Variants in ATP9B observed in about 807,000 individuals in gnomAD.
ATP9B encodes the protein ATPase phospholipid transporting 9B.
Under a neutral mutation model 146.1 loss-of-function variants are expected in ATP9B, and 110 were observed. That is an observed-to-expected ratio of 0.75 (90% CI 0.65 to 0.88). The LOEUF is 0.88. Ranked by LOEUF, ATP9B falls within the 40% of genes least tolerant of loss-of-function variation. The probability of loss-of-function intolerance (pLI) is 0.00; values close to 1 mark genes in which losing one functional copy is unlikely to be tolerated. For synonymous variants in ATP9B, 604 were observed against 569.7 expected (o/e 1.06, Z -0.86); for missense variants, 1,499 against 1,496.4 (o/e 1.00, Z -0.03).
chr18:79,141,223 A>C (rs4799012), intron 5 of ATP9B, among the ~76,000 whole-genome samples: 37,991 of 151,940 alleles, frequency 0.25, 5,084 homozygotes, highest in East Asian at 0.5. Context: ...TTTGCTCGGC[A>C]CTTCTCATTG....
intron 26 of ATP9B, among the ~76,000 whole-genome samples, chr18:79,367,934 G>A (rs1348806699): frequency 1.3e-5 from 2 of 152,248 alleles, no homozygotes; most frequent in African/African-American, 2.4e-5. Context: ...GAGACATCAC[G>A]GCCAGAGCAG....
intron 13 of ATP9B, among the ~76,000 whole-genome samples, chr18:79,290,381 G>A (rs1014304333): frequency 5.9e-5 from 9 of 152,362 alleles, no homozygotes; most frequent in Non-Finnish European, 2.9e-5. Context: ...TGCTGTGCTA[G>A]CAATCAGCGA....
intron 13 of ATP9B, among the ~76,000 whole-genome samples, chr18:79,283,732 C>T (rs1437602989): frequency 1.3e-5 from 2 of 152,204 alleles, no homozygotes; most frequent in African/African-American, 4.8e-5. Context: ...AGCATATTGA[C>T]ACTGACCAGA....
At chr18:79,286,558 C>A (rs2096444540) in intron 13 of ATP9B, among the ~76,000 whole-genome samples, 1 of 152,168 alleles carries the variant, frequency 6.6e-6, no homozygotes, top group Admixed American at 6.5e-5. Context: ...ATCATGTCAT[C>A]TGCAAACAGG....
At chr18:79,372,519 C>A (rs926050550) in intron 26 of ATP9B, 3 of 534,148 alleles carry the variant, frequency 5.6e-6, no homozygotes, top group African/African-American at 1.9e-5. Flanking sequence ...CCCTGGTTCA[C>A]TGAAATGTTT....
chr18:79,267,672 A>G (rs2096216889), intron 12 of ATP9B, among the ~76,000 whole-genome samples: 1 of 152,088 alleles, frequency 6.6e-6, no homozygotes, highest in Non-Finnish European at 1.5e-5. Flanking sequence ...TTTCTAATAC[A>G]TCTTTGTTCA....
At chr18:79,264,358 T>C (rs1275421703) in intron 12 of ATP9B, among the ~76,000 whole-genome samples, 1 of 152,228 alleles carries the variant, frequency 6.6e-6, no homozygotes, top group Non-Finnish European at 1.5e-5. Context: ...TTTTGTGAAC[T>C]TTCTAAGTCT....
chr18:79,253,230 T>C, intron 11 of ATP9B, 151 bp from the exon 12 acceptor site: 1 of 694,042 alleles, frequency 1.4e-6, no homozygotes, highest in Non-Finnish European at 2.3e-6. Flanking sequence ...TTCTAGAAAT[T>C]CTGCCTGAAT....
chr18:79,123,442 C>T (rs545063031), intron 4 of ATP9B, among the ~76,000 whole-genome samples: 8 of 151,280 alleles, frequency 5.3e-5, no homozygotes, highest in African/African-American at 1.9e-4. Context: ...AGTTGAAAGA[C>T]TTAATATTGT....
intron 8 of ATP9B, among the ~76,000 whole-genome samples, chr18:79,189,312 A>G (rs554787295): frequency 2.0e-5 from 3 of 151,918 alleles, no homozygotes; most frequent in Non-Finnish European, 1.5e-5. Flanking sequence ...TTGCCGCTGC[A>G]CTCCAGCCTG....
rs578015369 is a variant in ATP9B, at chr18:79,273,608, G to A, written c.1269-3446G>A. Among the ~76,000 whole-genome samples the A allele has an allele frequency of 3.3e-5, 5 of 152,320 alleles. No individual in the cohort carries two copies. The South Asian group carries it at 8.3e-4, about 25-fold the overall frequency. ...TCATTCCCTGAGGAGAATCTCGCGCGATTCTCAGACAAGTTGTGGGACTGG... is the reference window on the plus strand; with the variant it reads ...TCATTCCCTGAGGAGAATCTCGCGCAATTCTCAGACAAGTTGTGGGACTGG... On this transcript the variant is annotated intron_variant, in intron 12 of 29. Coordinates refer to ENST00000426216, the MANE Select transcript of ATP9B (RefSeq NM_198531.5).
intron 11 of ATP9B, among the ~76,000 whole-genome samples, chr18:79,228,481 C>G (rs1310916894): frequency 6.6e-6 from 1 of 152,146 alleles, no homozygotes; most frequent in Non-Finnish European, 1.5e-5. Context: ...ACAAAATAAT[C>G]CCTGTTTAAG....
At chr18:79,276,105 G>C (rs1238100141) in intron 12 of ATP9B, among the ~76,000 whole-genome samples, 2 of 152,196 alleles carry the variant, frequency 1.3e-5, no homozygotes, top group Non-Finnish European at 2.9e-5. Context: ...TTCTTGACAG[G>C]ATTAAATTAG....
intron 15 of ATP9B, among the ~76,000 whole-genome samples, chr18:79,311,636 A>G (rs1186193754): frequency 6.6e-6 from 1 of 152,246 alleles, no homozygotes. Flanking sequence ...ATGACACGTC[A>G]TTAGCCATGT....
At chr18:79,261,468 C>T (rs1165509449) in intron 12 of ATP9B, among the ~76,000 whole-genome samples, 1 of 152,054 alleles carries the variant, frequency 6.6e-6, no homozygotes, top group African/African-American at 2.4e-5. Context: ...GGAATGATTC[C>T]TCTACGAGCC....
At chr18:79,273,948 T>A (rs1467000643) in intron 12 of ATP9B, among the ~76,000 whole-genome samples, 1 of 152,246 alleles carries the variant, frequency 6.6e-6, no homozygotes, top group Non-Finnish European at 1.5e-5. Context: ...TTTAAGATAA[T>A]TTATTTCATT....
At chr18:79,254,634 C>T (rs974974783) in intron 12 of ATP9B, 3 of 152,286 alleles carry the variant, frequency 2.0e-5, no homozygotes, top group Non-Finnish European at 4.4e-5. Flanking sequence ...ATTTTCTGCA[C>T]TCCATAAAGC....
At chr18:79,320,645 T>C (rs1339619045) in intron 15 of ATP9B, among the ~76,000 whole-genome samples, 2 of 152,182 alleles carry the variant, frequency 1.3e-5, no homozygotes, top group Non-Finnish European at 2.9e-5. Flanking sequence ...TGACAGGTTG[T>C]CTTTACTGGA....
rs114134520 is a variant in ATP9B, at chr18:79,123,848, T to C, written c.559-2419T>C. ...CAACTAAACCTAGGAAAAAGGTAGG[T>C]AAAGGATCTGAGTAGACATTTACCC... On this transcript the variant is annotated intron_variant, in intron 4 of 29. Transcript: ENST00000426216. Among the ~76,000 whole-genome samples, 889 of 152,246 alleles carry C rather than the reference T, an allele frequency of 5.8e-3. 4 individuals carry two copies. Among genetic ancestry groups the C allele is most frequent in the African/African-American group, 0.021 (859 of 41,538 alleles).
Sources: allele counts gnomAD v4.1 joint callset (sites outside exome capture counted in the v4.1 genomes callset), GRCh38; gene constraint gnomAD v4.1.1; transcripts MANE v1.5; gene names NCBI Gene and HGNC (gene_info 2026-07-23, HGNC 2026-07-21).